FAM168A: variants seen among roughly 807,000 people sequenced by gnomAD.
The protein encoded by FAM168A is family with sequence similarity 168 member A.
In FAM168A, 3 loss-of-function variants were observed where a neutral mutation model predicts 28.5. That is an observed-to-expected ratio of 0.11 (90% CI 0.05 to 0.27). FAM168A has a LOEUF of 0.27. Among genes scored for constraint, FAM168A ranks in the 10% least tolerant of loss-of-function variants. The pLI is 1.00. For synonymous variants in FAM168A, 122 were observed against 124.2 expected, an observed-to-expected ratio of 0.98 and a Z score of 0.12; for missense variants, 222 against 311.5, an observed-to-expected ratio of 0.71 and a Z score of 2.16.
intron 4 of FAM168A, among the ~76,000 whole-genome samples, chr11:73,418,844 T>C (rs1011773466): frequency 1.3e-5 from 2 of 151,584 alleles, no homozygotes; most frequent in African/African-American, 4.9e-5. Context: ...AGTCTTGTTC[T>C]GTCGCCCAGG....
rs1258136989 is a variant in FAM168A at position 73,402,639 on chromosome 11, T to G, written c.*4124A>C. On this transcript the variant is annotated 3_prime_UTR_variant, in exon 8 of 8. Transcript: ENST00000356467. ...GTACCAACTCACTGGATCTGGACAGTGGGCAGGCTCTCAGGGATTAGGAAG... is the reference window on the plus strand; with the variant it reads ...GTACCAACTCACTGGATCTGGACAGGGGGCAGGCTCTCAGGGATTAGGAAG... 6.6e-6 allele frequency: 1 copy of G among 152,190 alleles called. No homozygotes were observed. The highest frequency in any genetic ancestry group is 2.1e-4 in the South Asian group (1 of 4,820). The allele number at this position is 152,190 out of a possible 1,614,324, so 9.4% of individuals were successfully genotyped here.
chr11:73,584,430 T>G (rs1944283922), intron 1 of FAM168A, among the ~76,000 whole-genome samples: 1 of 151,384 alleles, frequency 6.6e-6, no homozygotes, highest in Non-Finnish European at 1.5e-5. Flanking sequence ...CCAGAAGTGC[T>G]GGGATCACAG....
chr11:73,571,688 G>A lies in FAM168A; in HGVS notation c.-19+26235C>T, dbSNP rs1332179654. ...CCACTCCGTCTGGGAAGTGAGGAGC[G>A]TCTCTGCCTGGCCGCCCATCGTCTG... On this transcript the variant is annotated intron_variant, in intron 1 of 7. Coordinates refer to ENST00000356467, the MANE Select transcript of FAM168A (RefSeq NM_015159.3). Among the ~76,000 whole-genome samples, 20 of 151,648 alleles carry A rather than the reference G, an allele frequency of 1.3e-4. No homozygotes were observed. The East Asian group carries it at 1.9e-3, about 15-fold the overall frequency.
At chr11:73,571,555 G>T (rs879163035) in intron 1 of FAM168A, among the ~76,000 whole-genome samples, 1 of 152,020 alleles carries the variant, frequency 6.6e-6, no homozygotes, top group Non-Finnish European at 1.5e-5. Context: ...GTGCTCAATG[G>T]TGCCCAGGCT....
chr11:73,510,165 G>A (rs1417387080), intron 1 of FAM168A, among the ~76,000 whole-genome samples: 1 of 152,026 alleles, frequency 6.6e-6, no homozygotes, highest in Non-Finnish European at 1.5e-5. Flanking sequence ...TTGGAACCTT[G>A]GATCCATCTA....
chr11:73,535,314 C>T (rs537962238), intron 1 of FAM168A, among the ~76,000 whole-genome samples: 1 of 152,198 alleles, frequency 6.6e-6, no homozygotes, highest in African/African-American at 2.4e-5. Context: ...AATCACAGCT[C>T]ACTGCAGCCT....
chr11:73,415,303 G>A (rs1429059287), intron 4 of FAM168A, among the ~76,000 whole-genome samples: 1 of 152,200 alleles, frequency 6.6e-6, no homozygotes, highest in Non-Finnish European at 1.5e-5. Flanking sequence ...TAAGACCAAC[G>A]TAAACATTTC....
intron 1 of FAM168A, among the ~76,000 whole-genome samples, chr11:73,498,772 G>A (rs1854944151): frequency 6.6e-6 from 1 of 152,162 alleles, no homozygotes; most frequent in African/African-American, 2.4e-5. Flanking sequence ...GCCAGTTCAG[G>A]TCTAACCCTG....
chr11:73,580,918 G>C (rs1394606133), intron 1 of FAM168A, among the ~76,000 whole-genome samples: 2 of 152,176 alleles, frequency 1.3e-5, no homozygotes, highest in Non-Finnish European at 2.9e-5. Context: ...CATCTGTTGG[G>C]ACCTGACCCC....
chr11:73,477,799 C>T (rs374799773), intron 1 of FAM168A, among the ~76,000 whole-genome samples: 6 of 152,164 alleles, frequency 3.9e-5, no homozygotes, highest in East Asian at 3.9e-4. Context: ...CAATTCATTG[C>T]TAGCAACCTG....
intron 7 of FAM168A, among the ~76,000 whole-genome samples, 182 bp from the exon 8 acceptor site, chr11:73,406,926 G>T (rs1866516567): frequency 6.6e-6 from 1 of 152,178 alleles, no homozygotes; most frequent in South Asian, 2.1e-4. Flanking sequence ...GGGGGCCAGA[G>T]GATTTCAAAG....
chr11:73,548,929 C>A (rs1328413023), intron 1 of FAM168A, among the ~76,000 whole-genome samples: 1 of 152,042 alleles, frequency 6.6e-6, no homozygotes, highest in African/African-American at 2.4e-5. Flanking sequence ...AACCACCACA[C>A]CTGGCTCCAT....
chr11:73,484,507 GATAT>G (rs1211070796), intron 1 of FAM168A, among the ~76,000 whole-genome samples: 4 of 77,770 alleles, frequency 5.1e-5, no homozygotes, highest in African/African-American at 2.3e-4. Context: ...AGGAGAGAGA[GATAT>G]ATATAGATAT....
intron 2 of FAM168A, among the ~76,000 whole-genome samples, chr11:73,461,509 C>T (rs115339698): frequency 1.0e-3 from 155 of 152,274 alleles, no homozygotes; most frequent in African/African-American, 3.6e-3. Flanking sequence ...CTCTAATCAT[C>T]TTATAATTCT....
intron 2 of FAM168A, among the ~76,000 whole-genome samples, chr11:73,451,308 T>G (rs1867424880): frequency 6.6e-6 from 1 of 152,202 alleles, no homozygotes; most frequent in South Asian, 2.1e-4. Context: ...GAGAAGACCC[T>G]CGGGACAAAA....
At chr11:73,410,953 T>C (rs1866598577) in intron 5 of FAM168A, among the ~76,000 whole-genome samples, 1 of 152,198 alleles carries the variant, frequency 6.6e-6, no homozygotes, top group Non-Finnish European at 1.5e-5. Flanking sequence ...GCCTGTGTAC[T>C]TTCCTCCTCC....
intron 1 of FAM168A, among the ~76,000 whole-genome samples, chr11:73,578,971 T>C (rs1164731145): frequency 6.6e-6 from 1 of 152,216 alleles, no homozygotes; most frequent in Non-Finnish European, 1.5e-5. Flanking sequence ...GTCTGGAGGC[T>C]GGGAAGTCCA....
At chr11:73,597,696 GTCC>G (rs1944452982) in intron 1 of FAM168A, among the ~76,000 whole-genome samples, 1 of 147,692 alleles carries the variant, frequency 6.8e-6, no homozygotes, top group African/African-American at 2.5e-5. Flanking sequence ...TCCATCAAAA[GTCC>G]TCCTCCCTTG....
intron 1 of FAM168A, among the ~76,000 whole-genome samples, chr11:73,487,804 C>A (rs1379919023): frequency 1.3e-5 from 2 of 152,066 alleles, no homozygotes; most frequent in African/African-American, 2.4e-5. Context: ...TATAGTACAC[C>A]AATTCTAACA....
Sources: gnomAD v4.1 joint callset for allele counts (sites outside exome capture counted in the v4.1 genomes callset) on GRCh38, gnomAD v4.1.1 for gene constraint, MANE v1.5 for transcripts, NCBI Gene and HGNC (gene_info 2026-07-23, HGNC 2026-07-21) for gene names.